RAB3GAP1: variants seen among roughly 807,000 people sequenced by gnomAD.
The protein encoded by RAB3GAP1 is RAB3 GTPase activating protein catalytic subunit 1.
A neutral mutation model predicts 130.7 loss-of-function variants in RAB3GAP1; 86 were observed. The ratio of observed to expected loss-of-function variants is 0.66; its 90% CI spans 0.55 to 0.79. RAB3GAP1 has a LOEUF of 0.79. RAB3GAP1 is among the 30% of genes least tolerant of loss of function. RAB3GAP1 has a pLI of 0.00. For missense variants in RAB3GAP1, 1,029 were observed against 1,169.4 expected (o/e 0.88, Z 1.75); for synonymous variants, 367 against 401.7 (o/e 0.91, Z 1.03).
chr2:135,090,640 G>C (rs1041723527), intron 3 of RAB3GAP1, among the ~76,000 whole-genome samples: 1 of 152,144 alleles, frequency 6.6e-6, no homozygotes, highest in African/African-American at 2.4e-5. Flanking sequence ...CACTTAAATT[G>C]ATTGTGCAGA....
chr2:135,117,756 G>GCTT (rs1691064823), intron 7 of RAB3GAP1, among the ~76,000 whole-genome samples: 1 of 51,012 alleles, frequency 2.0e-5, no homozygotes, highest in African/African-American at 7.1e-5. Flanking sequence ...TTCTGCTTCT[G>GCTT]CTTCTTCTGC....
chr2:135,153,596 C>T (rs1441991645), intron 18 of RAB3GAP1, 53 bp from the exon 19 acceptor site: 7 of 1,526,268 alleles, frequency 4.6e-6, no homozygotes, highest in East Asian at 2.2e-5. Context: ...ACAGGCTTAT[C>T]AGTAACTGTT....
Position 135,130,669 on chromosome 2 carries a change from G to T in RAB3GAP1, c.1184G>T (p.Arg395Ile). Residue 395 changes from arginine to isoleucine, a missense_variant, in exon 13 of 24, where the codon AGA (arginine) becomes ATA (isoleucine). Physicochemically the swap from Arg to Ile is moderately conservative, Grantham distance 97. This residue lies in a region of RAB3GAP1 where 510 missense variants were observed against 532.1 expected (regional missense o/e 0.96). Coordinates refer to ENST00000264158, the MANE Select transcript of RAB3GAP1 (RefSeq NM_012233.3). ...GCAAAGAAGAAAATCCGAAAACACA[G>T]AGGTGTAGAGGAGTCACCGCTAAAT... is the stretch of plus-strand genomic sequence containing the variant. The part of the protein sequence containing the change: ...HTAKKKIRKH[R>I]GVEESPLNND... 6.2e-7 allele frequency: 1 copy of T among 1,613,824 alleles called. No individual in the cohort carries two copies. Among genetic ancestry groups the T allele is most frequent in the South Asian group, 1.1e-5 (1 of 91,068 alleles).
Position 135,162,598 on chromosome 2 carries a change from G to A in RAB3GAP1, c.2333G>A (p.Arg778Gln), listed in dbSNP as rs146072589. 120 of 1,614,074 alleles carry A rather than the reference G, an allele frequency of 7.4e-5. 1 individual carries two copies. Among genetic ancestry groups the A allele is most frequent in the Non-Finnish European group, 9.0e-5 (106 of 1,180,000 alleles). ...LAIQKPADLA[R>Q]HLLPCVIHAA... is the part of the protein sequence containing the mutation. The stretch of plus-strand genomic sequence containing the variant: ...ATCCAGAAACCTGCAGACCTTGCTC[G>A]GCACCTGTTACCTTGTGTGATTCAT... The change falls in exon 20 of 24, where the codon CGG becomes CAG. Residue 778 changes from arginine to glutamine, a missense_variant. By Grantham distance (43) the Arg-to-Gln change is conservative. Around this residue, in one of 3 missense-constraint regions of RAB3GAP1, gnomAD observed 373 missense variants for 493.6 expected, o/e 0.76. Transcript: ENST00000264158.
intron 3 of RAB3GAP1, among the ~76,000 whole-genome samples, chr2:135,068,945 A>C (rs1210705413): frequency 6.6e-6 from 1 of 152,232 alleles, no homozygotes; most frequent in Non-Finnish European, 1.5e-5. Flanking sequence ...ATTTTGTTAT[A>C]ATGAATGCAA....
chr2:135,053,092 A>G (rs1221695605), intron 2 of RAB3GAP1, among the ~76,000 whole-genome samples: 1 of 152,186 alleles, frequency 6.6e-6, no homozygotes, highest in African/African-American at 2.4e-5. Context: ...CCTAGGCTCA[A>G]GTGAAGCTCC....
At chr2:135,108,396 G>A (rs1161718519) in intron 5 of RAB3GAP1, among the ~76,000 whole-genome samples, 1 of 151,968 alleles carries the variant, frequency 6.6e-6, no homozygotes, top group African/African-American at 2.4e-5. Context: ...GGTATGTAGT[G>A]GTCTCTCACT....
At chr2:135,172,365 G>T (rs534292002), downstream of RAB3GAP1, among the ~76,000 whole-genome samples, 1 of 151,908 alleles carries the variant, frequency 6.6e-6, no homozygotes, top group African/African-American at 2.4e-5. Flanking sequence ...AACCTGGAAG[G>T]TGGAGGTTGC....
At chr2:135,114,144 A>G (rs1351170809) in intron 6 of RAB3GAP1, among the ~76,000 whole-genome samples, 4 of 152,206 alleles carry the variant, frequency 2.6e-5, no homozygotes, top group Non-Finnish European at 4.4e-5. Flanking sequence ...ATAAGGACAA[A>G]ACTAATAAAA....
chr2:135,058,104 G>T lies in RAB3GAP1; in HGVS notation c.150+18G>T. 1 of 1,587,034 alleles carries T rather than the reference G, an allele frequency of 6.3e-7. No individual in the cohort carries two copies. On this transcript the variant is annotated intron_variant, in intron 3 of 23. Transcript: ENST00000264158. Reference sequence around the variant, plus strand: ...TCGAAAAGGTCAGATCTATTTGCTGGTGTCTCTAAATGACTATTTACTTTG... The same window carrying T: ...TCGAAAAGGTCAGATCTATTTGCTGTTGTCTCTAAATGACTATTTACTTTG...
intron 3 of RAB3GAP1, among the ~76,000 whole-genome samples, chr2:135,065,168 T>G (rs1689283960): frequency 6.6e-6 from 1 of 152,210 alleles, no homozygotes; most frequent in African/African-American, 2.4e-5. Context: ...AGAACTGTCC[T>G]GTCACCCTCA....
At chr2:135,157,131 A>G (rs1461106344) in intron 19 of RAB3GAP1, among the ~76,000 whole-genome samples, 1 of 152,182 alleles carries the variant, frequency 6.6e-6, no homozygotes, top group Non-Finnish European at 1.5e-5. Flanking sequence ...CTCCTGGCCC[A>G]GTTTCCCTAG....
Position 135,135,595 on chromosome 2 carries a change from C to A in RAB3GAP1, c.1586C>A (p.Ala529Glu). 1 of 1,606,906 alleles carries A rather than the reference C, an allele frequency of 6.2e-7. No homozygotes were observed. The highest frequency in any genetic ancestry group is 8.5e-7 in the Non-Finnish European group (1 of 1,175,454). The stretch of plus-strand genomic sequence containing the variant: ...AATTGTTGTATTGAAAGAAAGAAGG[C>A]ACGTGATGAGGGGAAAAAGACAAGT... ...MLNCCIERKK[A>E]RDEGKKTSAS... Residue 529 changes from alanine to glutamate, a missense_variant, in exon 17 of 24, where the codon GCA (alanine) becomes GAA (glutamate). By Grantham distance (107) the Ala-to-Glu change is moderately radical. This residue lies in a region of RAB3GAP1 where 373 missense variants were observed against 493.6 expected (regional missense o/e 0.76). Transcript: ENST00000264158.
At chr2:135,138,156 C>G (rs184875259) in intron 17 of RAB3GAP1, among the ~76,000 whole-genome samples, 1 of 151,478 alleles carries the variant, frequency 6.6e-6, no homozygotes, top group Non-Finnish European at 1.5e-5. Flanking sequence ...AAATTGTAAT[C>G]TAGTAAAAAT....
chr2:135,174,169 C>T (rs981817069), downstream of RAB3GAP1, among the ~76,000 whole-genome samples: 7 of 152,236 alleles, frequency 4.6e-5, no homozygotes, highest in African/African-American at 1.4e-4. Context: ...GGAAAGTCCC[C>T]CCTCTTGCAG....
intron 5 of RAB3GAP1, among the ~76,000 whole-genome samples, chr2:135,107,423 G>T (rs1433879738): frequency 7.2e-6 from 1 of 139,392 alleles, no homozygotes; most frequent in African/African-American, 2.7e-5. Flanking sequence ...TTGCACAAAG[G>T]AAGGGGGAAG....
intron 17 of RAB3GAP1, among the ~76,000 whole-genome samples, chr2:135,138,181 G>A (rs1195681226): frequency 1.3e-5 from 2 of 151,186 alleles, no homozygotes; most frequent in African/African-American, 2.4e-5. Context: ...GAGGCTCAAC[G>A]CCTGTAATCC....
chr2:135,106,070 G>C (rs959134578), intron 5 of RAB3GAP1, among the ~76,000 whole-genome samples: 2 of 151,600 alleles, frequency 1.3e-5, no homozygotes, highest in South Asian at 2.1e-4. Context: ...GAGCGTCTCG[G>C]CCCGGCAGCC....
At chr2:135,106,987 G>A (rs1158272573) in intron 5 of RAB3GAP1, among the ~76,000 whole-genome samples, 1 of 151,484 alleles carries the variant, frequency 6.6e-6, no homozygotes, top group African/African-American at 2.4e-5. Context: ...CTTATAGGCA[G>A]CAAGAGAAAA....
Sources: gnomAD v4.1 joint callset for allele counts (sites outside exome capture counted in the v4.1 genomes callset) on GRCh38, gnomAD v4.1.1 for gene constraint, gnomAD v4.1.1 regional missense constraint, MANE v1.5 for transcripts, NCBI Gene and HGNC (gene_info 2026-07-23, HGNC 2026-07-21) for gene names.